Variants in MAGI2 observed in about 807,000 individuals in gnomAD.
The protein encoded by MAGI2 is membrane associated guanylate kinase, WW and PDZ domain containing 2.
In MAGI2, 35 loss-of-function variants were observed where a neutral mutation model predicts 133.3. The observed-to-expected ratio is 0.26, with a 90% CI of 0.20 to 0.35. MAGI2 has a LOEUF of 0.35. Ranked by LOEUF, MAGI2 falls within the 10% of genes least tolerant of loss-of-function variation. The probability of loss-of-function intolerance (pLI) is 1.00; values close to 1 mark genes in which losing one functional copy is unlikely to be tolerated. For synonymous variants in MAGI2, 729 were observed against 710.6 expected (o/e 1.03, Z -0.41); for missense variants, 1,636 against 1,863.4 (o/e 0.88, Z 2.25).
chr7:78,999,760 C>A (rs1274526385), intron 2 of MAGI2, among the ~76,000 whole-genome samples: 1 of 152,138 alleles, frequency 6.6e-6, no homozygotes, highest in Non-Finnish European at 1.5e-5. Flanking sequence ...ATATGTCTCC[C>A]AAGAAATTAA....
chr7:79,057,608 A>G (rs902233740), intron 1 of MAGI2, among the ~76,000 whole-genome samples: 1 of 152,152 alleles, frequency 6.6e-6, no homozygotes. Flanking sequence ...CTTCTTTATG[A>G]TATCACCTCT....
At chr7:78,188,009 C>T (rs2150715417) in intron 12 of MAGI2, among the ~76,000 whole-genome samples, 1 of 152,262 alleles carries the variant, frequency 6.6e-6, no homozygotes, top group Non-Finnish European at 1.5e-5. Flanking sequence ...GCCTTTATCC[C>T]TTAATTCCAG....
At chr7:79,315,336 T>A (rs911276240) in intron 1 of MAGI2, among the ~76,000 whole-genome samples, 47 of 91,864 alleles carry the variant, frequency 5.1e-4, no homozygotes, top group East Asian at 2.9e-3. Flanking sequence ...TTTTTTTTTT[T>A]TTTTTTTTTT....
chr7:79,199,701 G>A (rs564419924), intron 1 of MAGI2, among the ~76,000 whole-genome samples: 1 of 152,054 alleles, frequency 6.6e-6, no homozygotes, highest in South Asian at 2.1e-4. Flanking sequence ...TGAAATCTCT[G>A]AATATCATAA....
intron 1 of MAGI2, among the ~76,000 whole-genome samples, chr7:79,330,723 T>G (rs1840017521): frequency 1.3e-5 from 2 of 152,046 alleles, no homozygotes; most frequent in Admixed American, 1.3e-4. Flanking sequence ...AAGTGGAAAT[T>G]TTATGGCCAA....
chr7:78,246,720 T>C lies in MAGI2; in HGVS notation c.2047+9223A>G, dbSNP rs77889023. ...CTCAGGGTCCAAAGTCACCACTAAA[T>C]AGTGTCTCATCCCCCACGATCTGAC... On this transcript the variant is annotated intron_variant, in intron 10 of 21. Transcript: ENST00000354212. 9.1e-3 allele frequency among the ~76,000 whole-genome samples: 1,385 copies of C among 152,296 alleles called. 13 individuals carry two copies. The highest frequency in any genetic ancestry group is 0.032 in the African/African-American group (1,329 of 41,560).
At chr7:78,556,578 AATACCCTCTCTATCT>A (rs1799842719) in intron 3 of MAGI2, among the ~76,000 whole-genome samples, 1 of 152,186 alleles carries the variant, frequency 6.6e-6, no homozygotes, top group Non-Finnish European at 1.5e-5. Context: ...TATGTGAAGC[AATACCCTCTCTATCT>A]ATAGGTGAGA....
At chr7:78,812,542 G>T (rs1789161769) in intron 2 of MAGI2, among the ~76,000 whole-genome samples, 1 of 151,828 alleles carries the variant, frequency 6.6e-6, no homozygotes, top group Non-Finnish European at 1.5e-5. Context: ...CATGCGGTGT[G>T]CTGGGACAAC....
intron 2 of MAGI2, among the ~76,000 whole-genome samples, chr7:78,792,152 G>T (rs1359981116): frequency 6.6e-6 from 1 of 151,996 alleles, no homozygotes; most frequent in African/African-American, 2.4e-5. Context: ...AACAAGTTTG[G>T]CCTAAGTTCA....
intron 3 of MAGI2, among the ~76,000 whole-genome samples, chr7:78,573,324 A>T (rs1351535158): frequency 5.7e-5 from 4 of 69,798 alleles, no homozygotes; most frequent in African/African-American, 7.1e-5. Context: ...ATATATAAAT[A>T]TATATATAAA....
At chr7:78,451,632 A>G (rs564154804) in intron 6 of MAGI2, among the ~76,000 whole-genome samples, 2 of 152,196 alleles carry the variant, frequency 1.3e-5, no homozygotes, top group African/African-American at 4.8e-5. Flanking sequence ...CCCAATCTGT[A>G]AAATGGGGAT....
At position 78,458,800 on chromosome 7, in the gene MAGI2, A is replaced by G. The variant is rs187772860; in HGVS notation, c.1045+30961T>C. Among the ~76,000 whole-genome samples the G allele has an allele frequency of 5.1e-3, 771 of 152,158 alleles. 8 individuals carry two copies. The highest frequency in any genetic ancestry group is 0.018 in the African/African-American group (734 of 41,506). Reference sequence around the variant, plus strand: ...CAGGCGCCCACCACCACGCCTGGCTAATTTTTTGTATTTTTAGTAGAGACG... The same window carrying G: ...CAGGCGCCCACCACCACGCCTGGCTGATTTTTTGTATTTTTAGTAGAGACG... On this transcript the variant is annotated intron_variant, in intron 6 of 21. Transcript: ENST00000354212.
chr7:78,704,229 C>A (rs1282645021), intron 2 of MAGI2, among the ~76,000 whole-genome samples: 1 of 151,906 alleles, frequency 6.6e-6, no homozygotes, highest in Admixed American at 6.6e-5. Context: ...AACAAAAAAC[C>A]AAGCAACCCC....
At chr7:78,868,198 A>G (rs1012610540) in intron 2 of MAGI2, among the ~76,000 whole-genome samples, 1 of 130,724 alleles carries the variant, frequency 7.6e-6, no homozygotes, top group Non-Finnish European at 1.6e-5. Flanking sequence ...GGCATACTTA[A>G]TTAAGAATGA....
chr7:79,063,717 C>A (rs1051654374), intron 1 of MAGI2, among the ~76,000 whole-genome samples: 29 of 152,038 alleles, frequency 1.9e-4, no homozygotes, highest in African/African-American at 6.8e-4. Flanking sequence ...TTTTCCTAAG[C>A]TAAACATATT....
chr7:78,078,726 G>A (rs1815625468), intron 21 of MAGI2: 1 of 600,936 alleles, frequency 1.7e-6, no homozygotes, highest in African/African-American at 1.9e-5. Flanking sequence ...CTTAATGGAG[G>A]GAGCAAAAGA....
intron 2 of MAGI2, among the ~76,000 whole-genome samples, chr7:78,757,315 C>T (rs1432802737): frequency 1.3e-5 from 2 of 151,070 alleles, no homozygotes; most frequent in South Asian, 2.1e-4. Flanking sequence ...TTCTCTCTCT[C>T]TCTCTCTCTC....
chr7:78,403,623 A>G (rs1171957252), intron 6 of MAGI2, among the ~76,000 whole-genome samples: 1 of 152,142 alleles, frequency 6.6e-6, no homozygotes, highest in Admixed American at 6.5e-5. Context: ...CCAACAGTGT[A>G]AAAGTGTTCC....
chr7:78,490,508 T>C (rs1793502233), intron 5 of MAGI2, among the ~76,000 whole-genome samples: 1 of 152,090 alleles, frequency 6.6e-6, no homozygotes, highest in African/African-American at 2.4e-5. Context: ...TGTTTTCTTG[T>C]AAGAGTTTTG....
Sources: gnomAD v4.1 joint callset for allele counts (sites outside exome capture counted in the v4.1 genomes callset) on GRCh38, gnomAD v4.1.1 for gene constraint, MANE v1.5 for transcripts, NCBI Gene and HGNC (gene_info 2026-07-23, HGNC 2026-07-21) for gene names.